AOPEP: variants seen among roughly 807,000 people sequenced by gnomAD.
The protein encoded by AOPEP is aminopeptidase O.
AOPEP carries 77 observed loss-of-function variants against 98.1 expected under a neutral mutation model. The observed-to-expected ratio is 0.78, with a 90% CI of 0.65 to 0.95. The LOEUF (loss-of-function observed/expected upper bound fraction) is 0.95. Ranked by LOEUF, AOPEP falls within the 40% of genes least tolerant of loss-of-function variation. The pLI is 0.00. For synonymous variants in AOPEP, 346 were observed against 365.3 expected (o/e 0.95, Z 0.60); for missense variants, 1,024 against 1,024.7 (o/e 1.00, Z 0.01).
chr9:94,928,697 G>A, intron 7 of AOPEP, 166 bp downstream of exon 7: 1 of 551,528 alleles, frequency 1.8e-6, no homozygotes, highest in Non-Finnish European at 3.2e-6. Flanking sequence ...TTCAGGGCAT[G>A]CGTTTCGATT....
chr9:95,130,721 A>G, the AOPEP span, among the ~76,000 whole-genome samples: 1 of 152,188 alleles, frequency 6.6e-6, no homozygotes, highest in Non-Finnish European at 1.5e-5. Context: ...TTCTCTCCAC[A>G]GTGGGAAGCC....
At chr9:94,824,593 T>C (rs539588391) in intron 5 of AOPEP, 1 of 152,316 alleles carries the variant, frequency 6.6e-6, no homozygotes, top group East Asian at 1.9e-4. Context: ...TGGGAGTGTG[T>C]TATTGAGAGC....
intron 5 of AOPEP, among the ~76,000 whole-genome samples, chr9:94,828,938 G>A (rs947422118): frequency 6.6e-6 from 1 of 151,168 alleles, no homozygotes; most frequent in Non-Finnish European, 1.5e-5. Context: ...GCCCAATCTC[G>A]ACTCACTGCA....
chr9:94,958,354 T>A (rs1456563108), intron 9 of AOPEP, among the ~76,000 whole-genome samples: 1 of 152,266 alleles, frequency 6.6e-6, no homozygotes, highest in East Asian at 1.9e-4. Flanking sequence ...TGACCATTAG[T>A]GAATAAAATA....
At chr9:95,107,381 CCT>C in the AOPEP span, 20 of 1,167,904 alleles carry the variant, frequency 1.7e-5, no homozygotes, top group African/African-American at 7.6e-5. Flanking sequence ...AGCACTGGCC[CCT>C]GAGAGAGGGA....
intron 5 of AOPEP, among the ~76,000 whole-genome samples, chr9:94,889,702 A>G (rs1320043564): frequency 6.6e-6 from 1 of 152,226 alleles, no homozygotes; most frequent in Admixed American, 6.5e-5. Flanking sequence ...CTCTAGATAA[A>G]TACCCAAGAC....
intron 1 of AOPEP, among the ~76,000 whole-genome samples, chr9:94,753,339 T>C (rs1836258838): frequency 6.6e-6 from 1 of 152,158 alleles, no homozygotes; most frequent in South Asian, 2.1e-4. Flanking sequence ...TAACAAACAA[T>C]GTGATACTAA....
At chr9:94,813,018 C>CA (rs552194630) in intron 5 of AOPEP, among the ~76,000 whole-genome samples, 65 of 147,190 alleles carry the variant, frequency 4.4e-4, no homozygotes, top group Middle Eastern at 3.4e-3. Flanking sequence ...TTTTTAGAGG[C>CA]AAAAAAAAAG....
chr9:95,097,568 G>A, the AOPEP span, among the ~76,000 whole-genome samples: 1 of 152,222 alleles, frequency 6.6e-6, no homozygotes, highest in Admixed American at 6.5e-5. Flanking sequence ...GACTGCTGCT[G>A]GCCGGCTCAC....
intron 11 of AOPEP, among the ~76,000 whole-genome samples, chr9:94,987,609 C>T (rs972131876): frequency 5.3e-5 from 8 of 152,182 alleles, no homozygotes; most frequent in African/African-American, 1.9e-4. Flanking sequence ...TCAGGTCCCT[C>T]CCAGCCCCTG....
chr9:94,983,265 C>T (rs1214226039), intron 11 of AOPEP, among the ~76,000 whole-genome samples: 16 of 152,108 alleles, frequency 1.1e-4, no homozygotes, highest in Admixed American at 7.2e-4. Context: ...CCTCATGATC[C>T]GCCTGCCTTG....
At position 94,972,393 on chromosome 9, in the gene AOPEP, A is replaced by G. The variant is rs1489699023; in HGVS notation, c.1916+4592A>G. 4.6e-5 allele frequency among the ~76,000 whole-genome samples: 7 copies of G among 152,208 alleles called. No individual in the cohort carries two copies. The highest frequency in any genetic ancestry group is 1.0e-4 in the Non-Finnish European group (7 of 68,038). On this transcript the variant is annotated intron_variant, in intron 10 of 16. Coordinates refer to ENST00000375315, the MANE Select transcript of AOPEP (RefSeq NM_001193329.3). This position sits in a 1 kb window ranked among gnomAD's most constrained non-coding sequence, Gnocchi z 4.2. ...GAAGAAAACCCAGACAATCCTGAGC[A>G]GCAGTCTCTCCTGGTGAAAGAGCCC... is the stretch of plus-strand genomic sequence containing the variant.
At chr9:94,888,294 C>CGTGTGTGTGTGTGTGTGTGTGT (rs59342995) in intron 5 of AOPEP, among the ~76,000 whole-genome samples, 1 of 137,686 alleles carries the variant, frequency 7.3e-6, no homozygotes, top group Non-Finnish European at 1.6e-5. Flanking sequence ...AGAACCTTAC[C>CGTGTGTGTGTGTGTGTGTGTGT]GTGTGTGTGT....
chr9:94,750,948 C>T (rs760636251), intron 1 of AOPEP, among the ~76,000 whole-genome samples: 4 of 151,890 alleles, frequency 2.6e-5, no homozygotes, highest in East Asian at 1.9e-4. Context: ...GAGGTTTCAC[C>T]GTGTTAGCCA....
At chr9:95,044,513 G>T (rs777761611) in intron 13 of AOPEP, among the ~76,000 whole-genome samples, 1 of 152,148 alleles carries the variant, frequency 6.6e-6, no homozygotes, top group Non-Finnish European at 1.5e-5. Flanking sequence ...CAGCCCACGT[G>T]AAAATGAATG....
At chr9:95,022,581 C>T (rs767918451) in intron 13 of AOPEP, among the ~76,000 whole-genome samples, 28 of 152,190 alleles carry the variant, frequency 1.8e-4, no homozygotes, top group Non-Finnish European at 2.6e-4. Context: ...CCTCATGATC[C>T]GCCCGCCTTG....
intron 9 of AOPEP, among the ~76,000 whole-genome samples, chr9:94,965,124 G>A (rs950925709): frequency 6.6e-5 from 10 of 152,180 alleles, no homozygotes; most frequent in Admixed American, 2.6e-4. Flanking sequence ...AGAACCTCAC[G>A]CACAAATAAT....
At chr9:94,975,962 C>G (rs1346223997) in intron 10 of AOPEP, among the ~76,000 whole-genome samples, 1 of 152,226 alleles carries the variant, frequency 6.6e-6, no homozygotes, top group Non-Finnish European at 1.5e-5. Context: ...CCCCGATGTG[C>G]TTTTCTTCCA....
the AOPEP span, chr9:95,114,101 A>C: frequency 0.45 from 85,033 of 187,126 alleles, 19,743 homozygotes; most frequent in East Asian, 0.57. Context: ...AATTTAAAAC[A>C]AACCAACCAA....
Sources: gnomAD v4.1 joint callset for allele counts (sites outside exome capture counted in the v4.1 genomes callset) on GRCh38, gnomAD v4.1.1 for gene constraint, Gnocchi (gnomAD v3.1) non-coding constraint, MANE v1.5 for transcripts, NCBI Gene and HGNC (gene_info 2026-07-23, HGNC 2026-07-21) for gene names.